The following CD2AP variants were observed in gnomAD, a reference collection of about 807,000 sequenced individuals.
The protein encoded by CD2AP is CD2 associated protein, also known as CD2-associated protein.
A neutral mutation model predicts 85.1 loss-of-function variants in CD2AP; 46 were observed. That is an observed-to-expected ratio of 0.54 (90% CI 0.43 to 0.69). CD2AP has a LOEUF of 0.69. Among genes scored for constraint, CD2AP ranks in the 30% least tolerant of loss-of-function variants. The pLI is 0.00. For missense variants in CD2AP, 769 were observed against 729.5 expected, an observed-to-expected ratio of 1.05 and a Z score of -0.62; for synonymous variants, 255 against 252.9, an observed-to-expected ratio of 1.01 and a Z score of -0.08.
chr6:47,484,263 TCATAACCTTG>T (rs754755823), intron 1 of CD2AP, among the ~76,000 whole-genome samples: 4 of 152,152 alleles, frequency 2.6e-5, no homozygotes, highest in Non-Finnish European at 5.9e-5. Context: ...CATTTTTGAA[TCATAACCTTG>T]GTTTTAACCA....
Position 47,616,128 on chromosome 6 carries a change from G to T in CD2AP, c.1878+3592G>T, listed in dbSNP as rs765021913. Among the ~76,000 whole-genome samples, 256 of 106,398 alleles carry T rather than the reference G, an allele frequency of 2.4e-3. 1 individual carries two copies. The highest frequency in any genetic ancestry group is 0.011 in the Middle Eastern group (1 of 90). The allele number at this position is 106,398 out of a possible 152,430, so 69.8% of individuals were successfully genotyped here. On this transcript the variant is annotated intron_variant, in intron 17 of 17. Transcript: ENST00000359314. ...TTTTTTTGAGATGAAGTCTTGCTCT[G>T]TTACCCAGGCTGGAGTGCAATGGTG... is the stretch of plus-strand genomic sequence containing the variant.
At chr6:47,622,126 G>A (rs1331908972) in intron 17 of CD2AP, among the ~76,000 whole-genome samples, 1 of 152,192 alleles carries the variant, frequency 6.6e-6, no homozygotes, top group Non-Finnish European at 1.5e-5. Context: ...GGAAGTAGGG[G>A]AAAGCTGGCA....
At chr6:47,526,578 T>C (rs908891055) in intron 2 of CD2AP, among the ~76,000 whole-genome samples, 9 of 152,292 alleles carry the variant, frequency 5.9e-5, no homozygotes, top group African/African-American at 2.2e-4. Context: ...CTAAAATGGT[T>C]CTAGATCTTG....
chr6:47,481,032 AG>A (rs778967263), intron 1 of CD2AP, among the ~76,000 whole-genome samples: 8 of 152,204 alleles, frequency 5.3e-5, no homozygotes, highest in Non-Finnish European at 8.8e-5. Context: ...CCTATTGAGA[AG>A]TTTGAGGTAT....
chr6:47,542,367 T>C (rs1002298042), intron 3 of CD2AP, among the ~76,000 whole-genome samples: 5 of 152,250 alleles, frequency 3.3e-5, no homozygotes, highest in Non-Finnish European at 5.9e-5. Context: ...GATATTTGTT[T>C]ATTAATTCAT....
intron 4 of CD2AP, among the ~76,000 whole-genome samples, chr6:47,551,503 T>C (rs1161170518): frequency 6.6e-6 from 1 of 152,216 alleles, no homozygotes; most frequent in African/African-American, 2.4e-5. Context: ...AGTTTCACAT[T>C]TATTATATCC....
At position 47,481,287 on chromosome 6, in the gene CD2AP, TA is replaced by T. The variant is rs573019175; in HGVS notation, c.4+3040del. Among the ~76,000 whole-genome samples, 6 of 152,326 alleles carry T rather than the reference TA, an allele frequency of 3.9e-5. No homozygotes were observed. In the South Asian group the frequency reaches 1.2e-3, roughly 32 times the overall value. The stretch of plus-strand genomic sequence containing the variant: ...ATTTTAGATAAGGCGGTGAACTTTT[TA>T]GTTTATTTTATAGGCTCTCGTATAT... On this transcript the variant is annotated intron_variant, in intron 1 of 17. Coordinates refer to ENST00000359314, the MANE Select transcript of CD2AP (RefSeq NM_012120.3).
Position 47,512,168 on chromosome 6 carries a change from T to A in CD2AP, c.165+8728T>A, listed in dbSNP as rs571549257. Among the ~76,000 whole-genome samples, 36 of 119,580 alleles carry A rather than the reference T, an allele frequency of 3.0e-4. No homozygotes were observed. In the South Asian group the frequency reaches 3.5e-3, roughly 12 times the overall value. The allele number at this position is 119,580 out of a possible 152,430, so 78.4% of individuals were successfully genotyped here. A position where few individuals can be genotyped will look rare whatever the true frequency, so the allele number is the denominator to read the frequency against. On this transcript the variant is annotated intron_variant, in intron 2 of 17. Transcript: ENST00000359314. ...GCGAGACTCCGTCTGAAAAAAAAAA[T>A]ATATATAAAATAAAATACAAAAAAT... is the stretch of plus-strand genomic sequence containing the variant.
At chr6:47,622,327 T>C (rs1170649390) in intron 17 of CD2AP, among the ~76,000 whole-genome samples, 2 of 152,196 alleles carry the variant, frequency 1.3e-5, no homozygotes, top group East Asian at 3.9e-4. Flanking sequence ...AAACCAGATT[T>C]GCCGCCCTAC....
intron 12 of CD2AP, among the ~76,000 whole-genome samples, chr6:47,598,870 C>T (rs893967415): frequency 6.7e-6 from 1 of 150,022 alleles, no homozygotes; most frequent in Non-Finnish European, 1.5e-5. Flanking sequence ...TTCATGTAAC[C>T]AAATGCCACC....
In CD2AP at chr6:47,537,922, TC is replaced by T. The variant is rs543613981; in HGVS notation, c.319+4168del. On this transcript the variant is annotated intron_variant, in intron 3 of 17. Transcript: ENST00000359314. ...ACGCCACTGCACCTGGCTAATTTTT[TC>T]TATTTTTAGTAGTGATGGGGTTTCA... Among the ~76,000 whole-genome samples, 29 of 151,738 alleles carry T rather than the reference TC, an allele frequency of 1.9e-4. No homozygotes were observed. The East Asian group carries it at 5.4e-3, about 28-fold the overall frequency.
At chr6:47,603,732 A>C (rs1260129633) in intron 13 of CD2AP, among the ~76,000 whole-genome samples, 1 of 151,974 alleles carries the variant, frequency 6.6e-6, no homozygotes, top group Non-Finnish European at 1.5e-5. Flanking sequence ...TTTTCTAGAC[A>C]TTCCTATCCT....
At chr6:47,488,431 T>G (rs1765622608) in intron 1 of CD2AP, among the ~76,000 whole-genome samples, 1 of 152,142 alleles carries the variant, frequency 6.6e-6, no homozygotes, top group Admixed American at 6.5e-5. Context: ...AAGGAACATG[T>G]GAAATTAATT....
intron 3 of CD2AP, among the ~76,000 whole-genome samples, chr6:47,538,524 G>A (rs1767115297): frequency 6.6e-6 from 1 of 152,160 alleles, no homozygotes; most frequent in South Asian, 2.1e-4. Flanking sequence ...GGGATTACAG[G>A]CATAAGCCAC....
chr6:47,498,532 T>A (rs1765925915), intron 1 of CD2AP, among the ~76,000 whole-genome samples: 1 of 152,226 alleles, frequency 6.6e-6, no homozygotes, highest in Non-Finnish European at 1.5e-5. Context: ...CTCCTTGAAT[T>A]TCTGTTAATT....
At chr6:47,576,917 T>A in intron 7 of CD2AP, 92 bp from the exon 8 acceptor site, 1 of 791,068 alleles carries the variant, frequency 1.3e-6, no homozygotes, top group Non-Finnish European at 2.3e-6. Context: ...TCTAATAACT[T>A]TTAGTATACT....
intron 2 of CD2AP, among the ~76,000 whole-genome samples, chr6:47,529,399 G>A (rs186074587): frequency 2.8e-4 from 43 of 152,194 alleles, no homozygotes; most frequent in African/African-American, 9.4e-4. Flanking sequence ...CCCAAGATGC[G>A]TACTTGAGGT....
At chr6:47,592,127 C>T (rs1234252007) in intron 11 of CD2AP, among the ~76,000 whole-genome samples, 2 of 152,160 alleles carry the variant, frequency 1.3e-5, no homozygotes, top group East Asian at 3.9e-4. Context: ...TGAGCCACTG[C>T]ACCCAGCCTG....
intron 2 of CD2AP, among the ~76,000 whole-genome samples, chr6:47,526,137 G>A (rs182678064): frequency 6.8e-4 from 104 of 152,242 alleles, no homozygotes; most frequent in African/African-American, 2.4e-3. Context: ...TTAGGTACTA[G>A]GTAAAGTTTG....
Sources: gnomAD v4.1 joint callset for allele counts (sites outside exome capture counted in the v4.1 genomes callset) on GRCh38, gnomAD v4.1.1 for gene constraint, MANE v1.5 for transcripts, NCBI Gene and HGNC (gene_info 2026-07-23, HGNC 2026-07-21) for gene names.